SNX31: variants seen among roughly 807,000 people sequenced by gnomAD.
The protein encoded by SNX31 is sorting nexin-31.
Under a neutral mutation model 65.4 loss-of-function variants are expected in SNX31, and 58 were observed. The ratio of observed to expected loss-of-function variants is 0.89; its 90% CI spans 0.72 to 1.10. SNX31 has a LOEUF of 1.10. SNX31 is among the 50% of genes least tolerant of loss of function. SNX31 has a pLI of 0.00. For missense variants in SNX31, 523 were observed against 529.7 expected (o/e 0.99, Z 0.12); for synonymous variants, 181 against 190.1 (o/e 0.95, Z 0.39).
chr8:100,628,997 A>G (rs1818246689), intron 4 of SNX31, among the ~76,000 whole-genome samples: 1 of 152,188 alleles, frequency 6.6e-6, no homozygotes, highest in Non-Finnish European at 1.5e-5. Context: ...TACAGTATGC[A>G]GTACAGTAAC....
At chr8:100,574,558 T>G (rs1322302389) in intron 13 of SNX31, among the ~76,000 whole-genome samples, 2 of 148,484 alleles carry the variant, frequency 1.3e-5, no homozygotes, top group African/African-American at 2.5e-5. Context: ...ACTTGAACCC[T>G]GGAGGCAGAG....
At chr8:100,598,984 A>G (rs1815365075) in intron 9 of SNX31, among the ~76,000 whole-genome samples, 1 of 152,218 alleles carries the variant, frequency 6.6e-6, no homozygotes, top group Non-Finnish European at 1.5e-5. Flanking sequence ...AATTTCATTC[A>G]TTTCACTTCC....
intron 10 of SNX31, among the ~76,000 whole-genome samples, chr8:100,589,484 C>G (rs571391927): frequency 6.6e-6 from 1 of 152,222 alleles, no homozygotes; most frequent in East Asian, 1.9e-4. Context: ...ATAGGAGGGG[C>G]ACCTAACCCA....
At position 100,660,917 on chromosome 8, in the gene SNX31, A is replaced by C. The variant is rs1225657070; in HGVS notation, c.-58+2225T>G. On this transcript the variant is annotated intron_variant, in intron 1 of 5. Coordinates refer to the SNX31 transcript ENST00000520352. This position sits in a 1 kb window ranked among gnomAD's most constrained non-coding sequence, Gnocchi z 4.1. Reference sequence around the variant, plus strand: ...CTAATGCAGCATGGATCATCCCTTTATATTTTCCTCATGCCATACAGTTTT... The same window carrying C: ...CTAATGCAGCATGGATCATCCCTTTCTATTTTCCTCATGCCATACAGTTTT... 1.3e-5 allele frequency among the ~76,000 whole-genome samples: 2 copies of C among 151,914 alleles called. No individual in the cohort carries two copies. Among genetic ancestry groups the C allele is most frequent in the Non-Finnish European group, 2.9e-5 (2 of 68,004 alleles).
upstream of SNX31, among the ~76,000 whole-genome samples, chr8:100,652,086 C>T (rs751175332): frequency 1.4e-4 from 21 of 152,160 alleles, no homozygotes; most frequent in Non-Finnish European, 2.4e-4. Flanking sequence ...TCATGCCATT[C>T]TCCTGCCTCG....
At chr8:100,628,702 GCA>G (rs1331474467) in intron 4 of SNX31, among the ~76,000 whole-genome samples, 5 of 151,898 alleles carry the variant, frequency 3.3e-5, no homozygotes, top group African/African-American at 4.8e-5. Flanking sequence ...TAACAAACCT[GCA>G]TATTGTGCAC....
chr8:100,636,475 G>A (rs1053622810), intron 2 of SNX31, among the ~76,000 whole-genome samples: 1 of 152,206 alleles, frequency 6.6e-6, no homozygotes, highest in Non-Finnish European at 1.5e-5. Context: ...ATGAGCACTT[G>A]AACGTCGCTA....
At chr8:100,589,214 C>A (rs1814346569) in intron 10 of SNX31, among the ~76,000 whole-genome samples, 1 of 151,236 alleles carries the variant, frequency 6.6e-6, no homozygotes, top group African/African-American at 2.4e-5. Context: ...GGCAGGAGAA[C>A]CACTTGCACT....
chr8:100,632,378 G>A (rs1563571134), intron 3 of SNX31, among the ~76,000 whole-genome samples: 1 of 152,082 alleles, frequency 6.6e-6, no homozygotes, highest in Non-Finnish European at 1.5e-5. Flanking sequence ...TCATTCAGCA[G>A]GTCTAAAAAG....
intron 8 of SNX31, among the ~76,000 whole-genome samples, chr8:100,605,482 T>G (rs573080002): frequency 6.6e-6 from 1 of 152,246 alleles, no homozygotes; most frequent in East Asian, 1.9e-4. Flanking sequence ...AACTACAATT[T>G]TTTGGAGACT....
At chr8:100,586,479 G>T (rs1814061122) in intron 11 of SNX31, among the ~76,000 whole-genome samples, 1 of 152,170 alleles carries the variant, frequency 6.6e-6, no homozygotes, top group South Asian at 2.1e-4. Context: ...CTTTATGGTG[G>T]TTTAAACTCA....
intron 8 of SNX31, among the ~76,000 whole-genome samples, chr8:100,603,985 A>T (rs1396555940): frequency 6.6e-6 from 1 of 152,030 alleles, no homozygotes; most frequent in Non-Finnish European, 1.5e-5. Context: ...TACTCTGCCC[A>T]CCTCTGCCTC....
chr8:100,590,361 G>A (rs1814462932), intron 10 of SNX31, among the ~76,000 whole-genome samples: 1 of 152,232 alleles, frequency 6.6e-6, no homozygotes, highest in South Asian at 2.1e-4. Context: ...GGGAGGCTGA[G>A]GCAAGAGAAT....
rs1347863637 is a variant in SNX31, at chr8:100,612,800, T to TG, written c.523+194dup. Among the ~76,000 whole-genome samples, 1 of 152,072 alleles carries TG rather than the reference T, an allele frequency of 6.6e-6. No individual in the cohort carries two copies. The highest frequency in any genetic ancestry group is 1.9e-4 in the East Asian group (1 of 5,178). On this transcript the variant is annotated intron_variant, in intron 6 of 13. Coordinates refer to ENST00000311812, the MANE Select transcript of SNX31 (RefSeq NM_152628.4). This position sits in a 1 kb window ranked among gnomAD's most constrained non-coding sequence, Gnocchi z 4.3. Reference sequence around the variant, plus strand: ...TGCAGTTACTGGACCACCCAAGGTATGAGCGGTTTGCCCCCACTCTCCCCT... The same window carrying TG: ...TGCAGTTACTGGACCACCCAAGGTATGGAGCGGTTTGCCCCCACTCTCCCCT...
At chr8:100,581,153 G>A (rs1813466062) in intron 12 of SNX31, among the ~76,000 whole-genome samples, 1 of 148,074 alleles carries the variant, frequency 6.8e-6, no homozygotes, top group Non-Finnish European at 1.5e-5. Flanking sequence ...AAAAAAATTA[G>A]CTGGGTGTGG....
intron 9 of SNX31, among the ~76,000 whole-genome samples, chr8:100,598,077 C>T (rs540903896): frequency 6.6e-6 from 1 of 152,214 alleles, no homozygotes; most frequent in Non-Finnish European, 1.5e-5. Flanking sequence ...ACTCCGGAGG[C>T]GTTCTCTGAT....
chr8:100,580,245 C>T (rs1813381438), intron 12 of SNX31, among the ~76,000 whole-genome samples: 2 of 151,160 alleles, frequency 1.3e-5, no homozygotes, highest in African/African-American at 2.4e-5. Context: ...ATCCAGATTA[C>T]AGTTCAATAT....
At chr8:100,607,353 G>C (rs1461680429) in intron 8 of SNX31, among the ~76,000 whole-genome samples, 2 of 152,344 alleles carry the variant, frequency 1.3e-5, no homozygotes, top group African/African-American at 4.8e-5. Context: ...GGGTGTGTAT[G>C]TTGGCGGCAG....
chr8:100,644,224 C>T (rs116641600), intron 2 of SNX31, among the ~76,000 whole-genome samples: 10 of 152,296 alleles, frequency 6.6e-5, no homozygotes, highest in African/African-American at 2.2e-4. Context: ...CTCCTACTGA[C>T]GGGTCCTTTG....
Sources: gnomAD v4.1 joint callset for allele counts (sites outside exome capture counted in the v4.1 genomes callset) on GRCh38, gnomAD v4.1.1 for gene constraint, Gnocchi (gnomAD v3.1) non-coding constraint, MANE v1.5 for transcripts, NCBI Gene and HGNC (gene_info 2026-07-23, HGNC 2026-07-21) for gene names.